The following PDE7B variants were observed in gnomAD, a reference collection of about 807,000 sequenced individuals.
The protein encoded by PDE7B is phosphodiesterase 7B.
A neutral mutation model predicts 56.2 loss-of-function variants in PDE7B; 29 were observed. The observed-to-expected ratio is 0.52, with a 90% CI of 0.38 to 0.70. PDE7B has a LOEUF of 0.70. Among genes scored for constraint, PDE7B ranks in the 30% least tolerant of loss-of-function variants. The pLI is 0.00. For synonymous variants in PDE7B, 197 were observed against 196.9 expected (o/e 1.00, Z 0.00); for missense variants, 490 against 565.0 (o/e 0.87, Z 1.35).
chr6:136,186,060 G>A (rs1779140277), intron 11 of PDE7B, among the ~76,000 whole-genome samples: 1 of 151,654 alleles, frequency 6.6e-6, no homozygotes, highest in Non-Finnish European at 1.5e-5. Context: ...GCCACGGAAA[G>A]TAAGGGCAAA....
chr6:136,024,056 A>T (rs1776112360), intron 2 of PDE7B, among the ~76,000 whole-genome samples: 1 of 152,200 alleles, frequency 6.6e-6, no homozygotes, highest in South Asian at 2.1e-4. Context: ...ATGGTGATCT[A>T]GGAAAGGATG....
intron 1 of PDE7B, among the ~76,000 whole-genome samples, chr6:135,874,462 G>A (rs1775453028): frequency 6.6e-6 from 1 of 152,046 alleles, no homozygotes; most frequent in African/African-American, 2.4e-5. Context: ...ATTTTATAAT[G>A]TCTACAATTT....
intron 2 of PDE7B, among the ~76,000 whole-genome samples, chr6:136,057,412 A>G (rs1477891009): frequency 1.3e-5 from 2 of 152,216 alleles, no homozygotes; most frequent in African/African-American, 4.8e-5. Flanking sequence ...ACTCTCACCC[A>G]TTATACATCA....
chr6:135,990,146 A>T (rs1487396822), intron 2 of PDE7B, among the ~76,000 whole-genome samples: 3 of 143,736 alleles, frequency 2.1e-5, no homozygotes, highest in African/African-American at 7.8e-5. Flanking sequence ...CCCAGGCTGG[A>T]GTGCAATGGC....
At chr6:135,884,251 G>T (rs1048171323) in intron 1 of PDE7B, among the ~76,000 whole-genome samples, 30 of 152,104 alleles carry the variant, frequency 2.0e-4, no homozygotes, top group Admixed American at 1.6e-3. Context: ...TTTTTTAAAA[G>T]TAGATTCTAC....
chr6:136,139,539 C>T lies in PDE7B; in HGVS notation c.167-7812C>T, dbSNP rs539835712. Among the ~76,000 whole-genome samples, 33 of 152,222 alleles carry T rather than the reference C, an allele frequency of 2.2e-4. No individual in the cohort carries two copies. In the South Asian group the frequency reaches 3.3e-3, roughly 15 times the overall value. ...TTCTAGTTCTAGATCCTTGAGGAATCGCCACACTGACTTCCACAATGGTTG... is the reference window on the plus strand; with the variant it reads ...TTCTAGTTCTAGATCCTTGAGGAATTGCCACACTGACTTCCACAATGGTTG... On this transcript the variant is annotated intron_variant, in intron 3 of 12. Transcript: ENST00000308191.
intron 3 of PDE7B, among the ~76,000 whole-genome samples, chr6:136,118,551 G>A (rs1332855049): frequency 1.3e-5 from 2 of 152,296 alleles, no homozygotes; most frequent in Middle Eastern, 3.4e-3. Flanking sequence ...AGGAAACTGA[G>A]ACTGAAAGAG....
intron 1 of PDE7B, among the ~76,000 whole-genome samples, chr6:135,945,525 T>C (rs1394713715): frequency 3.3e-5 from 5 of 152,176 alleles, no homozygotes; most frequent in Non-Finnish European, 5.9e-5. Flanking sequence ...TGGATTGATT[T>C]GAATGTAACA....
chr6:135,899,167 G>A (rs112828851), intron 1 of PDE7B, among the ~76,000 whole-genome samples: 15,410 of 152,020 alleles, frequency 0.1, 794 homozygotes, highest in African/African-American at 0.12. Context: ...CCAGCTATGT[G>A]GAACTGTGAG....
At chr6:135,935,202 A>ATT (rs1554268045) in intron 1 of PDE7B, among the ~76,000 whole-genome samples, 70 of 56,840 alleles carry the variant, frequency 1.2e-3, no homozygotes, top group Non-Finnish European at 1.9e-3. Context: ...ATATATATAT[A>ATT]TATATATATA....
chr6:135,881,876 TA>T (rs1014992916), intron 1 of PDE7B, among the ~76,000 whole-genome samples: 89 of 151,274 alleles, frequency 5.9e-4, no homozygotes, highest in East Asian at 3.9e-4. Flanking sequence ...ACACATTATT[TA>T]AAAAAAAACA....
chr6:136,118,648 T>C (rs1200580675), intron 3 of PDE7B, among the ~76,000 whole-genome samples: 1 of 152,202 alleles, frequency 6.6e-6, no homozygotes, highest in East Asian at 1.9e-4. Flanking sequence ...CTTTTAACCA[T>C]AGTAAAGTAT....
chr6:136,129,100 C>A (rs1778072561), intron 3 of PDE7B, among the ~76,000 whole-genome samples: 1 of 152,222 alleles, frequency 6.6e-6, no homozygotes, highest in Non-Finnish European at 1.5e-5. Context: ...CTCTACCAAT[C>A]TGTATTGGGC....
At chr6:135,960,072 G>T (rs1463058932) in intron 2 of PDE7B, among the ~76,000 whole-genome samples, 1 of 152,094 alleles carries the variant, frequency 6.6e-6, no homozygotes, top group African/African-American at 2.4e-5. Context: ...ATCTGAAGGG[G>T]CTTAGTTCTT....
At chr6:135,927,904 A>G (rs2128196477) in intron 1 of PDE7B, among the ~76,000 whole-genome samples, 1 of 152,318 alleles carries the variant, frequency 6.6e-6, no homozygotes, top group South Asian at 2.1e-4. Context: ...ACAAAGGTCT[A>G]GTACCCAGAA....
At chr6:135,883,290 A>G (rs1310525063) in intron 1 of PDE7B, among the ~76,000 whole-genome samples, 1 of 152,152 alleles carries the variant, frequency 6.6e-6, no homozygotes, top group Non-Finnish European at 1.5e-5. Context: ...ACAAGGTGAC[A>G]CTGAGCCCTC....
chr6:136,176,174 A>G (rs968720505), intron 9 of PDE7B, among the ~76,000 whole-genome samples: 2 of 152,048 alleles, frequency 1.3e-5, no homozygotes, highest in Non-Finnish European at 2.9e-5. Flanking sequence ...TATATTAACT[A>G]CAGTAACCAT....
intron 2 of PDE7B, among the ~76,000 whole-genome samples, chr6:136,004,884 C>T (rs539267072): frequency 0.013 from 2,016 of 151,948 alleles, 61 homozygotes; most frequent in African/African-American, 0.045. Flanking sequence ...AAAAAAGAGC[C>T]CACATCGCCA....
Position 136,004,225 on chromosome 6 carries a change from G to C in PDE7B, c.82+56701G>C, listed in dbSNP as rs573427618. Among the ~76,000 whole-genome samples, 5 of 152,274 alleles carry C rather than the reference G, an allele frequency of 3.3e-5. No homozygotes were observed. In the East Asian group the frequency reaches 9.6e-4, roughly 29 times the overall value. ...TCTCAAAATAGTAAGAGCTATCTAT[G>C]ACAAACCCACAGCTAATATCATACT... On this transcript the variant is annotated intron_variant, in intron 2 of 12. Transcript: ENST00000308191.
Sources: gnomAD v4.1 joint callset for allele counts (sites outside exome capture counted in the v4.1 genomes callset) on GRCh38, gnomAD v4.1.1 for gene constraint, MANE v1.5 for transcripts, NCBI Gene and HGNC (gene_info 2026-07-23, HGNC 2026-07-21) for gene names.